Variants in GALK2 observed in about 807,000 individuals in gnomAD.
GALK2 encodes the protein N-acetylgalactosamine kinase.
In GALK2, 36 loss-of-function variants were observed where a neutral mutation model predicts 52.4. That is an observed-to-expected ratio of 0.69 (90% CI 0.53 to 0.91). The LOEUF (loss-of-function observed/expected upper bound fraction) is 0.91, where lower values mean the gene tolerates loss of function less well. Ranked by LOEUF, GALK2 falls within the 40% of genes least tolerant of loss-of-function variation. The probability of loss-of-function intolerance (pLI) is 0.00; values close to 1 mark genes in which losing one functional copy is unlikely to be tolerated. For missense variants in GALK2, 579 were observed against 559.1 expected, an observed-to-expected ratio of 1.04 and a Z score of -0.36; for synonymous variants, 176 against 199.1, an observed-to-expected ratio of 0.88 and a Z score of 0.98.
intron 5 of GALK2, among the ~76,000 whole-genome samples, chr15:49,273,142 C>A (rs569665031): frequency 6.6e-6 from 1 of 152,094 alleles, no homozygotes; most frequent in Non-Finnish European, 1.5e-5. Flanking sequence ...TAGGAACATA[C>A]GAATATCCAG....
At chr15:49,267,378 G>A (rs565999089) in intron 5 of GALK2, among the ~76,000 whole-genome samples, 2 of 152,300 alleles carry the variant, frequency 1.3e-5, no homozygotes, top group East Asian at 3.9e-4. Context: ...TATTGAGGGT[G>A]GGGTGTTCTC....
At chr15:49,160,766 G>A (rs943924537) in intron 1 of GALK2, among the ~76,000 whole-genome samples, 2 of 152,082 alleles carry the variant, frequency 1.3e-5, no homozygotes, top group South Asian at 4.1e-4. Flanking sequence ...GCTACCTGAT[G>A]CTGAGGCAGG....
intron 6 of GALK2, 124 bp from the exon 7 acceptor site, chr15:49,283,442 A>G: frequency 1.2e-6 from 1 of 813,962 alleles, no homozygotes; most frequent in Non-Finnish European, 1.9e-6. Context: ...CCTGGAGGTC[A>G]ATAAGTAATA....
chr15:49,273,518 G>C (rs1033589457), intron 5 of GALK2, among the ~76,000 whole-genome samples: 4 of 150,100 alleles, frequency 2.7e-5, no homozygotes, highest in Non-Finnish European at 5.9e-5. Context: ...ATGTGAAGAA[G>C]AAATAATAGC....
At chr15:49,177,852 G>A (rs953157482) in intron 1 of GALK2, 2 of 238,870 alleles carry the variant, frequency 8.4e-6, no homozygotes, top group South Asian at 5.6e-5. Flanking sequence ...AATCTTCACC[G>A]AAGTGAGAAC....
At chr15:49,156,605 T>C (rs1451126401) in intron 1 of GALK2, 1 of 517,466 alleles carries the variant, frequency 1.9e-6, no homozygotes, top group Non-Finnish European at 3.8e-6. Context: ...GAAATTCAGA[T>C]TGCCGAAAGG....
At chr15:49,322,150 T>C (rs756129646) in intron 9 of GALK2, among the ~76,000 whole-genome samples, 1 of 152,218 alleles carries the variant, frequency 6.6e-6, no homozygotes, top group Non-Finnish European at 1.5e-5. Context: ...TTATTTATCT[T>C]TTCATTTTGT....
At chr15:49,266,984 G>A (rs1279711658) in intron 5 of GALK2, among the ~76,000 whole-genome samples, 2 of 152,286 alleles carry the variant, frequency 1.3e-5, no homozygotes, top group East Asian at 1.9e-4. Flanking sequence ...TGGGACCTGG[G>A]AGGAACGAGA....
chr15:49,337,388 C>G (rs1179748375), intron 3 of GALK2, among the ~76,000 whole-genome samples: 1 of 151,686 alleles, frequency 6.6e-6, no homozygotes, highest in African/African-American at 2.4e-5. Flanking sequence ...GTCATCCTGA[C>G]TGGAGTGAGA....
rs76792080 is a variant in GALK2 at position 49,215,534 on chromosome 15, G to A, written c.143-1656G>A. On this transcript the variant is annotated intron_variant, in intron 2 of 9. Coordinates refer to ENST00000560031, the MANE Select transcript of GALK2 (RefSeq NM_002044.4). ...TTGAGAGACTCTGAGACATTTTTGA[G>A]TTTGCCAGTTGAATTTTTCAGCTGC... is the stretch of plus-strand genomic sequence containing the variant. Among the ~76,000 whole-genome samples, 294 of 152,270 alleles carry A rather than the reference G, an allele frequency of 1.9e-3. 8 individuals are homozygous for A. The East Asian group carries it at 0.053, about 27-fold the overall frequency.
At chr15:49,359,770 C>T (rs2043848799) in intron 3 of GALK2, among the ~76,000 whole-genome samples, 2 of 135,874 alleles carry the variant, frequency 1.5e-5, no homozygotes, top group Non-Finnish European at 3.2e-5. Flanking sequence ...AATCATGCTG[C>T]TATAAAGACA....
chr15:49,165,828 A>C (rs1595855627), upstream of GALK2, among the ~76,000 whole-genome samples: 3 of 133,220 alleles, frequency 2.3e-5, no homozygotes, highest in Admixed American at 8.1e-5. Flanking sequence ...ATTGAGACGG[A>C]GTCTTGCTCT....
Position 49,328,237 on chromosome 15 carries a change from T to A in GALK2, c.*78T>A. On this transcript the variant is annotated 3_prime_UTR_variant, in exon 10 of 10. Coordinates refer to ENST00000560031, the MANE Select transcript of GALK2 (RefSeq NM_002044.4). ...GACTTTCTGTGCCACAGTAAATTAA[T>A]CTTCCTTCTGTTTTGTATTATGATG... 2.7e-6 allele frequency: 4 copies of A among 1,507,958 alleles called. No homozygotes were observed. The highest frequency in any genetic ancestry group is 3.5e-6 in the Non-Finnish European group (4 of 1,126,762). The allele number at this position is 1,507,958 out of a possible 1,614,324, so 93.4% of individuals were successfully genotyped here.
intron 8 of GALK2, among the ~76,000 whole-genome samples, chr15:49,305,000 A>G (rs2035428550): frequency 6.6e-6 from 1 of 152,174 alleles, no homozygotes; most frequent in African/African-American, 2.4e-5. Flanking sequence ...GGAGCCAGTC[A>G]TTCTAATATC....
chr15:49,170,118 G>C, upstream of GALK2: 1 of 1,249,844 alleles, frequency 8.0e-7, no homozygotes, highest in South Asian at 1.6e-5. Flanking sequence ...GCTGCTTGGA[G>C]GGAACCCTGG....
intron 4 of GALK2, 130 bp from the exon 5 acceptor site, chr15:49,239,091 T>C: frequency 1.5e-6 from 1 of 687,612 alleles, no homozygotes; most frequent in Non-Finnish European, 2.4e-6. Flanking sequence ...TAAATTGAAT[T>C]GCATAAGTAG....
In GALK2 at chr15:49,331,594, G is replaced by A; in HGVS notation, c.*3435G>A. The A allele has an allele frequency of 1.9e-6, 1 of 537,896 alleles. No individual in the cohort carries two copies. The highest frequency in any genetic ancestry group is 3.3e-6 in the Non-Finnish European group (1 of 304,412). The allele number at this position is 537,896 out of a possible 1,614,324, so 33.3% of individuals were successfully genotyped here. ...CTGGAAATGGGGAATGTGAACATGA[G>A]TTGTCACTAAATATGTAAAACAGAT... On this transcript the variant is annotated 3_prime_UTR_variant, in exon 10 of 10. Transcript: ENST00000560031.
chr15:49,166,691 C>T (rs550920324), upstream of GALK2, among the ~76,000 whole-genome samples: 1 of 152,174 alleles, frequency 6.6e-6, no homozygotes, highest in African/African-American at 2.4e-5. Flanking sequence ...GCCTGGGCAA[C>T]AAGAGCGAGA....
intron 1 of GALK2, among the ~76,000 whole-genome samples, chr15:49,173,489 C>G (rs189661881): frequency 5.3e-4 from 81 of 151,980 alleles, no homozygotes; most frequent in African/African-American, 1.9e-3. Context: ...CCTGAAAATC[C>G]CACAGTTTCT....
Sources: allele counts gnomAD v4.1 joint callset (sites outside exome capture counted in the v4.1 genomes callset), GRCh38; gene constraint gnomAD v4.1.1; transcripts MANE v1.5; gene names NCBI Gene and HGNC (gene_info 2026-07-23, HGNC 2026-07-21).